TUBGCP3: variants seen among roughly 807,000 people sequenced by gnomAD.
TUBGCP3 encodes gamma-tubulin complex component 3.
TUBGCP3 carries 50 observed loss-of-function variants against 123.1 expected under a neutral mutation model. That is an observed-to-expected ratio of 0.41 (90% CI 0.32 to 0.51). The LOEUF (loss-of-function observed/expected upper bound fraction) is 0.51, where lower values mean the gene tolerates loss of function less well. Ranked by LOEUF, TUBGCP3 falls within the 20% of genes least tolerant of loss-of-function variation. The probability of loss-of-function intolerance (pLI) is 0.36; values close to 1 mark genes in which losing one functional copy is unlikely to be tolerated. For synonymous variants in TUBGCP3, 405 were observed against 413.9 expected (o/e 0.98, Z 0.26); for missense variants, 882 against 1,127.0 (o/e 0.78, Z 3.11).
chr13:112,572,814 T>C (rs1277564911), intron 1 of TUBGCP3, among the ~76,000 whole-genome samples: 1 of 152,150 alleles, frequency 6.6e-6, no homozygotes, highest in Non-Finnish European at 1.5e-5. Flanking sequence ...TGTGAGAATT[T>C]CCAAATATGA....
rs748419852 is a variant in TUBGCP3, at chr13:112,504,013, A to G, written c.2307+19T>C. ...ATGATTCTTTTGGTTTCTTGTTTCTAAGCAGGTCGGAGTCTTACCCTGGAG... is the reference window on the plus strand; with the variant it reads ...ATGATTCTTTTGGTTTCTTGTTTCTGAGCAGGTCGGAGTCTTACCCTGGAG... On this transcript the variant is annotated intron_variant, in intron 19 of 21. Coordinates refer to ENST00000261965, the MANE Select transcript of TUBGCP3 (RefSeq NM_006322.6). The G allele has an allele frequency of 1.9e-6, 3 of 1,585,708 alleles. No homozygotes were observed. Among genetic ancestry groups the G allele is most frequent in the Non-Finnish European group, 2.6e-6 (3 of 1,163,904 alleles).
rs1405497690 is a variant in TUBGCP3, at chr13:112,504,209, C to T, written c.2176-46G>A. The stretch of plus-strand genomic sequence containing the variant: ...GACGCTAGATAAGCTCATGTCCTTC[C>T]TAGTGTAGCATCACTCATAAAATAT... On this transcript the variant is annotated intron_variant, in intron 18 of 21. Transcript: ENST00000261965. 1.9e-6 allele frequency: 3 copies of T among 1,612,568 alleles called. No individual in the cohort carries two copies. In the African/African-American group the frequency reaches 4.0e-5, roughly 21 times the overall value.
chr13:112,563,888 AG>A (rs35383584), intron 3 of TUBGCP3, among the ~76,000 whole-genome samples: 13,747 of 110,278 alleles, frequency 0.12, 1,594 homozygotes, highest in African/African-American at 0.31. Context: ...AAAAAAAAAA[AG>A]TGTCTAAATA....
rs751803434 is a variant in TUBGCP3 at position 112,558,396 on chromosome 13, C to T, written c.348G>A (p.Thr116=). The change falls in exon 5 of 22, where the codon ACG becomes ACA. Residue 116 remains threonine (T), a synonymous_variant. Coordinates refer to ENST00000261965, the MANE Select transcript of TUBGCP3 (RefSeq NM_006322.6). ...CTCTTGGTAAGGCCTGAGCAAATAACGTAGCATAGCTAGAAACCTGAAAAG... is the reference window on the plus strand; with the variant it reads ...CTCTTGGTAAGGCCTGAGCAAATAATGTAGCATAGCTAGAAACCTGAAAAG... ...RQPSKVSSYA[T]LFAQALPRDA... 1.7e-5 allele frequency: 27 copies of T among 1,568,362 alleles called. No individual in the cohort carries two copies. The East Asian group carries it at 2.0e-4, about 12-fold the overall frequency.
At chr13:112,586,126 C>A (rs1164271188) in intron 1 of TUBGCP3, among the ~76,000 whole-genome samples, 1 of 151,714 alleles carries the variant, frequency 6.6e-6, no homozygotes, top group Non-Finnish European at 1.5e-5. Context: ...GTAGTCCCAG[C>A]TACTCGGGAG....
At chr13:112,598,155 C>A in the TUBGCP3 span, among the ~76,000 whole-genome samples, 1 of 151,980 alleles carries the variant, frequency 6.6e-6, no homozygotes, top group Admixed American at 6.6e-5. Flanking sequence ...AATTATATTT[C>A]CAAGTGCAGA....
intron 20 of TUBGCP3, chr13:112,489,924 C>A (rs1879963607): frequency 3.6e-6 from 2 of 550,318 alleles, no homozygotes; most frequent in South Asian, 5.1e-5. Context: ...TTTGAGACTG[C>A]CTCTGTTGTT....
rs571208493 is a variant in TUBGCP3 at position 112,556,275 on chromosome 13, C to A, written c.549-51G>T. 1.7e-4 allele frequency: 256 copies of A among 1,546,122 alleles called. 1 individual carries two copies. The South Asian group carries it at 2.7e-3, about 16-fold the overall frequency. ...TCTAATAGGCTATTCGCTGAAGAGA[C>A]AAAAGTGTCCCTAGAAATTTCTCTT... On this transcript the variant is annotated intron_variant, in intron 5 of 21. Transcript: ENST00000261965.
intron 11 of TUBGCP3, among the ~76,000 whole-genome samples, chr13:112,528,251 C>T (rs1284180607): frequency 6.6e-6 from 1 of 152,220 alleles, no homozygotes; most frequent in Non-Finnish European, 1.5e-5. Context: ...AATAGAATTG[C>T]ACTTTTATTT....
intron 17 of TUBGCP3, among the ~76,000 whole-genome samples, chr13:112,515,549 C>T (rs1055058785): frequency 3.3e-5 from 5 of 152,178 alleles, no homozygotes; most frequent in Non-Finnish European, 7.4e-5. Flanking sequence ...CAGCACGGCC[C>T]TCCTCCCGCC....
chr13:112,502,545 T>C (rs926606654), intron 19 of TUBGCP3, among the ~76,000 whole-genome samples: 7 of 144,012 alleles, frequency 4.9e-5, no homozygotes, highest in Admixed American at 6.8e-5. Flanking sequence ...ATTTCTTCTT[T>C]TTTTTTTTTT....
At chr13:112,512,667 G>A (rs1881749388) in intron 17 of TUBGCP3, among the ~76,000 whole-genome samples, 1 of 152,022 alleles carries the variant, frequency 6.6e-6, no homozygotes, top group African/African-American at 2.4e-5. Context: ...TCTGGGAAGT[G>A]GAGGTTGCAG....
chr13:112,489,792 T>C, intron 20 of TUBGCP3, 95 bp from the exon 21 acceptor site: 1 of 1,006,572 alleles, frequency 9.9e-7, no homozygotes, highest in Non-Finnish European at 1.6e-6. Context: ...GCAGGAGGTG[T>C]CTGCTTTTTA....
intron 10 of TUBGCP3, 80 bp downstream of exon 10, chr13:112,547,540 G>A: frequency 1.4e-6 from 1 of 724,096 alleles, no homozygotes; most frequent in Admixed American, 4.8e-5. Flanking sequence ...AGACGTGCAT[G>A]GGAAAGTCGC....
chr13:112,590,718 C>G (rs77821152), upstream of TUBGCP3, among the ~76,000 whole-genome samples: 1,304 of 152,322 alleles, frequency 8.6e-3, 17 homozygotes, highest in African/African-American at 0.03. Flanking sequence ...TATGCAAAAT[C>G]TGGCCCATTT....
rs1249651071 is a variant in TUBGCP3 at position 112,571,979 on chromosome 13, G to A, written c.77-2720C>T. 2.0e-5 allele frequency among the ~76,000 whole-genome samples: 3 copies of A among 152,186 alleles called. No individual in the cohort carries two copies. The East Asian group carries it at 5.8e-4, about 29-fold the overall frequency. ...AGATTAGGTTTTGGCTTAAAGGAAT[G>A]CTGTGGCTGGTTTGATCTTCTATCC... On this transcript the variant is annotated intron_variant, in intron 1 of 21. Coordinates refer to ENST00000261965, the MANE Select transcript of TUBGCP3 (RefSeq NM_006322.6).
intron 20 of TUBGCP3, 108 bp from the exon 21 acceptor site, chr13:112,489,805 C>T: frequency 1.2e-6 from 1 of 808,054 alleles, no homozygotes; most frequent in Non-Finnish European, 2.1e-6. Flanking sequence ...GCTTTTTATG[C>T]CTCTCTGTAC....
chr13:112,539,173 A>G (rs1340816970), intron 11 of TUBGCP3, among the ~76,000 whole-genome samples: 1 of 152,212 alleles, frequency 6.6e-6, no homozygotes, highest in Non-Finnish European at 1.5e-5. Flanking sequence ...GTCTGATGTA[A>G]TCTTCACACA....
upstream of TUBGCP3, among the ~76,000 whole-genome samples, chr13:112,590,541 T>G (rs1329288665): frequency 6.6e-6 from 1 of 151,838 alleles, no homozygotes; most frequent in Non-Finnish European, 1.5e-5. Context: ...CACATCCTAG[T>G]GATGGTTTGT....
Sources: allele counts gnomAD v4.1 joint callset (sites outside exome capture counted in the v4.1 genomes callset), GRCh38; gene constraint gnomAD v4.1.1; transcripts MANE v1.5; gene names NCBI Gene and HGNC (gene_info 2026-07-23, HGNC 2026-07-21).